Variants in PPIL3 observed in about 807,000 individuals in gnomAD.
PPIL3 encodes peptidyl-prolyl cis-trans isomerase-like 3.
Under a neutral mutation model 20.9 loss-of-function variants are expected in PPIL3, and 13 were observed. The observed-to-expected ratio is 0.62, with a 90% CI of 0.40 to 0.99. The LOEUF is 0.99. Among genes scored for constraint, PPIL3 ranks in the 50% least tolerant of loss-of-function variants. The pLI is 0.00. For synonymous variants in PPIL3, 71 were observed against 64.4 expected (o/e 1.10, Z -0.49); for missense variants, 170 against 195.2 (o/e 0.87, Z 0.77).
chr2:200,873,625 A>G (rs1447509886), intron 6 of PPIL3, among the ~76,000 whole-genome samples: 1 of 151,968 alleles, frequency 6.6e-6, no homozygotes, highest in East Asian at 1.9e-4. Context: ...ATTGAGAGCT[A>G]TTCTTCAAAT....
chr2:200,887,416 T>C (rs2039979550), intron 2 of PPIL3, among the ~76,000 whole-genome samples, 197 bp downstream of exon 2: 1 of 151,240 alleles, frequency 6.6e-6, no homozygotes, highest in Non-Finnish European at 1.5e-5. Flanking sequence ...ATTCTGTGCA[T>C]TTTAAGTGAC....
At chr2:200,880,363 T>TG (rs2039680353) in intron 5 of PPIL3, among the ~76,000 whole-genome samples, 1 of 151,780 alleles carries the variant, frequency 6.6e-6, no homozygotes, top group Non-Finnish European at 1.5e-5. Flanking sequence ...TTTAATGTAA[T>TG]GGAAATATAA....
intron 5 of PPIL3, chr2:200,877,568 C>G (rs1021924735): frequency 1.3e-5 from 2 of 152,330 alleles, no homozygotes; most frequent in African/African-American, 4.8e-5. Flanking sequence ...CCCACAATCT[C>G]TTCTCACATA....
chr2:200,887,543 T>TG, intron 2 of PPIL3, 70 bp downstream of exon 2: 1 of 1,211,130 alleles, frequency 8.3e-7, no homozygotes, highest in Non-Finnish European at 1.2e-6. Context: ...TGAACTTTTA[T>TG]TGCCCTTGAC....
intron 6 of PPIL3, among the ~76,000 whole-genome samples, chr2:200,874,002 G>A (rs1219665566): frequency 4.0e-5 from 6 of 151,366 alleles, no homozygotes; most frequent in Admixed American, 6.6e-5. Context: ...TCGGGAGATT[G>A]AGACCATCCT....
At chr2:200,878,307 T>C (rs551910817) in intron 5 of PPIL3, among the ~76,000 whole-genome samples, 2 of 152,004 alleles carry the variant, frequency 1.3e-5, no homozygotes, top group South Asian at 2.1e-4. Flanking sequence ...TAATTACATA[T>C]ATCCATGTGC....
chr2:200,872,640 T>C (rs1331505291), intron 6 of PPIL3, among the ~76,000 whole-genome samples: 2 of 152,098 alleles, frequency 1.3e-5, no homozygotes, highest in Admixed American at 6.5e-5. Context: ...TGGGGTTTAT[T>C]ATGAACAATA....
At chr2:200,888,469 G>C (rs189917782) in intron 1 of PPIL3, 1 of 152,940 alleles carries the variant, frequency 6.5e-6, no homozygotes, top group East Asian at 1.9e-4. Flanking sequence ...AATATACTAT[G>C]AACTTTTTTT....
In PPIL3 at chr2:200,876,989, T is replaced by C; in HGVS notation, c.289A>G (p.Asn97Asp). ...TAGGTGATGAAGAACTGAGATCCAT[T>C]GGTGTTCGGGCCATTATTAGCCATA... ...VSMANNGPNT[N>D]GSQFFITYGK... The change falls in exon 6 of 7, where the codon AAT becomes GAT. Residue 97 changes from asparagine (N) to aspartate (D), a missense_variant. Asn to Asp is a conservative substitution (Grantham distance 23, BLOSUM62 1). Coordinates refer to ENST00000392283, the MANE Select transcript of PPIL3 (RefSeq NM_130906.3). 6.2e-7 allele frequency: 1 copy of C among 1,613,992 alleles called. No homozygotes were observed. Among genetic ancestry groups the C allele is most frequent in the Non-Finnish European group, 8.5e-7 (1 of 1,179,826 alleles).
chr2:200,873,894 T>C (rs1473870351), intron 6 of PPIL3, among the ~76,000 whole-genome samples: 1 of 151,938 alleles, frequency 6.6e-6, no homozygotes, highest in Non-Finnish European at 1.5e-5. Context: ...CAACCACTGG[T>C]ATGTACTTTA....
chr2:200,881,610 G>A (rs930019067), intron 4 of PPIL3, 122 bp from the exon 5 acceptor site: 1 of 736,864 alleles, frequency 1.4e-6, no homozygotes, highest in African/African-American at 1.8e-5. Flanking sequence ...ATTTGATATG[G>A]CCTTTCCTAA....
intron 3 of PPIL3, among the ~76,000 whole-genome samples, chr2:200,882,735 T>A (rs1313676019): frequency 2.6e-5 from 4 of 151,800 alleles, no homozygotes; most frequent in African/African-American, 7.3e-5. Context: ...TGAAACCCCA[T>A]CTCTACTAAA....
Position 200,881,489 on chromosome 2 carries a change from C to T in PPIL3, c.173-1G>A. 6.2e-7 allele frequency: 1 copy of T among 1,611,118 alleles called. No individual in the cohort carries two copies. The highest frequency in any genetic ancestry group is 8.5e-7 in the Non-Finnish European group (1 of 1,178,348). ...ATACTGTTGCCTCCTCTTCCAGTTC[C>T]TACATTACAAGTGAAGCAAATCAAA... On this transcript the variant is annotated splice_acceptor_variant, in intron 4 of 6. Transcript: ENST00000392283. LOFTEE classifies it high-confidence loss of function.
At chr2:200,889,271 C>T (rs1442579261), upstream of PPIL3, 2 of 320,936 alleles carry the variant, frequency 6.2e-6, no homozygotes, top group African/African-American at 4.3e-5. Flanking sequence ...ATGCTTTACA[C>T]TCGGCTGCCA....
At chr2:200,875,225 T>C (rs917405855) in intron 6 of PPIL3, among the ~76,000 whole-genome samples, 14 of 152,144 alleles carry the variant, frequency 9.2e-5, no homozygotes, top group African/African-American at 3.1e-4. Context: ...CTACCCTCCA[T>C]TGTAGGTAAG....
chr2:200,876,903 T>C lies in PPIL3; in HGVS notation c.359+16A>G. On this transcript the variant is annotated intron_variant, in intron 6 of 6. Transcript: ENST00000392283. ...GCATTGAAATGCTAAAAGAAAACCATAACCAGAATACTCACTTTCCAAATA... is the reference window on the plus strand; with the variant it reads ...GCATTGAAATGCTAAAAGAAAACCACAACCAGAATACTCACTTTCCAAATA... The C allele has an allele frequency of 6.5e-7, 1 of 1,542,304 alleles. No individual in the cohort carries two copies.
chr2:200,871,314 C>T lies in PPIL3; in HGVS notation c.*81G>A, dbSNP rs2039295304. The T allele has an allele frequency of 7.1e-7, 1 of 1,412,068 alleles. No individual in the cohort carries two copies. Among genetic ancestry groups the T allele is most frequent in the Non-Finnish European group, 9.7e-7 (1 of 1,033,520 alleles). The allele number at this position is 1,412,068 out of a possible 1,614,324, so 87.5% of individuals were successfully genotyped here. On this transcript the variant is annotated 3_prime_UTR_variant, in exon 7 of 7. Coordinates refer to ENST00000392283, the MANE Select transcript of PPIL3 (RefSeq NM_130906.3). The stretch of plus-strand genomic sequence containing the variant: ...TAAACAAGCAGAAGGATGATGCAAT[C>T]TCTGACATAATTAAAACCGGGTAAA...
rs897617832 is a variant in PPIL3 at position 200,882,285 on chromosome 2, C to G, written c.172+57G>C. On this transcript the variant is annotated intron_variant, in intron 4 of 6. Coordinates refer to ENST00000392283, the MANE Select transcript of PPIL3 (RefSeq NM_130906.3). ...ACGTATTTAATTCCTCTTCTTTTACCCACTTCTTCATACTATACATTCAGT... is the reference window on the plus strand; with the variant it reads ...ACGTATTTAATTCCTCTTCTTTTACGCACTTCTTCATACTATACATTCAGT... 3 of 1,105,590 alleles carry G rather than the reference C, an allele frequency of 2.7e-6. No individual in the cohort carries two copies. The Admixed American group carries it at 6.1e-5, about 23-fold the overall frequency. 68.5% of individuals were successfully genotyped at this position (1,105,590 alleles called of 1,614,324 possible). A position where few individuals can be genotyped will look rare whatever the true frequency, so the allele number is the denominator to read the frequency against.
At chr2:200,872,118 G>A (rs2039327821) in intron 6 of PPIL3, among the ~76,000 whole-genome samples, 1 of 152,038 alleles carries the variant, frequency 6.6e-6, no homozygotes, top group African/African-American at 2.4e-5. Flanking sequence ...ATTGTGATCT[G>A]TACTATCTGA....
Sources: allele counts gnomAD v4.1 joint callset (sites outside exome capture counted in the v4.1 genomes callset), GRCh38; gene constraint gnomAD v4.1.1; transcripts MANE v1.5; gene names NCBI Gene and HGNC (gene_info 2026-07-23, HGNC 2026-07-21).